IFT25: variants seen among roughly 807,000 people sequenced by gnomAD.
IFT25 encodes intraflagellar transport 25, also known as intraflagellar transport protein 25 homolog.
At chr1:53,913,940 A>T in the IFT25 span, among the ~76,000 whole-genome samples, 6 of 152,218 alleles carry the variant, frequency 3.9e-5, no homozygotes, top group African/African-American at 1.4e-4. Context: ...TCCAGCCTCC[A>T]GAGTGGTGAG....
At chr1:53,921,592 G>C in the IFT25 span, 1 of 957,092 alleles carries the variant, frequency 1.0e-6, no homozygotes, top group East Asian at 2.4e-5. Flanking sequence ...AAGTATATCA[G>C]TGACAACTTC....
At chr1:53,936,264 G>A in the IFT25 span, among the ~76,000 whole-genome samples, 1 of 152,080 alleles carries the variant, frequency 6.6e-6, no homozygotes, top group Non-Finnish European at 1.5e-5. Flanking sequence ...CTCCAGCCTA[G>A]GCAATAGAAC....
At chr1:53,917,682 C>T in the IFT25 span, among the ~76,000 whole-genome samples, 5 of 151,850 alleles carry the variant, frequency 3.3e-5, no homozygotes, top group Admixed American at 2.0e-4. Flanking sequence ...CAAAAATTGG[C>T]CAGGCGTGGT....
the IFT25 span, among the ~76,000 whole-genome samples, chr1:53,914,511 GAT>G: frequency 6.6e-6 from 1 of 151,852 alleles, no homozygotes; most frequent in Non-Finnish European, 1.5e-5. Context: ...ATTATAAAAT[GAT>G]GTTTGTATAT....
chr1:53,941,561 T>C, the IFT25 span, among the ~76,000 whole-genome samples: 1 of 152,228 alleles, frequency 6.6e-6, no homozygotes, highest in Non-Finnish European at 1.5e-5. Flanking sequence ...TCTACCAATC[T>C]TACCACAGTT....
the IFT25 span, among the ~76,000 whole-genome samples, chr1:53,942,129 T>TGACA: frequency 6.6e-6 from 1 of 152,162 alleles, no homozygotes; most frequent in Non-Finnish European, 1.5e-5. Context: ...ATATGCTAGG[T>TGACA]GACAGAATTA....
the IFT25 span, chr1:53,946,207 C>T: frequency 6.6e-6 from 1 of 152,228 alleles, no homozygotes; most frequent in East Asian, 2.0e-4. Flanking sequence ...GGGACCCACC[C>T]TCCCGCGAGC....
chr1:53,915,190 A>T, the IFT25 span, among the ~76,000 whole-genome samples: 1 of 152,226 alleles, frequency 6.6e-6, no homozygotes, highest in African/African-American at 2.4e-5. Flanking sequence ...TGTGCCAGGC[A>T]CTATTCTAAG....
At chr1:53,944,542 G>A in the IFT25 span, among the ~76,000 whole-genome samples, 1 of 152,240 alleles carries the variant, frequency 6.6e-6, no homozygotes, top group South Asian at 2.1e-4. Context: ...CTACTCCGGA[G>A]GCTGAGGCAG....
At chr1:53,930,072 T>A in the IFT25 span, 1 of 1,577,168 alleles carries the variant, frequency 6.3e-7, no homozygotes, top group Non-Finnish European at 8.6e-7. Context: ...CTTTCAATCC[T>A]TACATGTTTG....
At chr1:53,943,707 T>G in the IFT25 span, among the ~76,000 whole-genome samples, 3 of 151,988 alleles carry the variant, frequency 2.0e-5, no homozygotes, top group African/African-American at 7.3e-5. Context: ...AACTGCAACG[T>G]CTGCCTCCCG....
the IFT25 span, among the ~76,000 whole-genome samples, chr1:53,938,091 G>T: frequency 5.3e-5 from 8 of 152,288 alleles, no homozygotes; most frequent in East Asian, 1.5e-3. Flanking sequence ...TTTTGAGCAA[G>T]TCATCTGATC....
chr1:53,939,321 T>C, the IFT25 span, among the ~76,000 whole-genome samples: 3 of 150,310 alleles, frequency 2.0e-5, no homozygotes, highest in Non-Finnish European at 3.0e-5. Flanking sequence ...AACCTGGGAG[T>C]TGGAGGTTGC....
the IFT25 span, among the ~76,000 whole-genome samples, chr1:53,924,366 C>CA: frequency 2.0e-5 from 3 of 152,194 alleles, no homozygotes; most frequent in Non-Finnish European, 4.4e-5. Flanking sequence ...AGCTGAGTTT[C>CA]TCAGTGAAAC....
the IFT25 span, chr1:53,940,072 AT>A: frequency 6.3e-7 from 1 of 1,599,240 alleles, no homozygotes; most frequent in Non-Finnish European, 8.5e-7. Context: ...ACAGAGATCA[AT>A]TTTTCTCATC....
the IFT25 span, chr1:53,916,591 A>G: frequency 4.5e-6 from 1 of 222,026 alleles, no homozygotes; most frequent in Admixed American, 5.8e-5. Context: ...ATTTCATTTT[A>G]TTGAACATGA....
the IFT25 span, among the ~76,000 whole-genome samples, chr1:53,944,630 G>A: frequency 2.6e-5 from 4 of 152,166 alleles, no homozygotes; most frequent in East Asian, 5.8e-4. Context: ...GGCGACGAGC[G>A]ATTATGTCTC....
the IFT25 span, among the ~76,000 whole-genome samples, chr1:53,919,370 A>G: frequency 0.24 from 35,905 of 152,056 alleles, 6,743 homozygotes; most frequent in African/African-American, 0.53. Context: ...ATCATCTGAA[A>G]AAGCCTGGGT....
the IFT25 span, among the ~76,000 whole-genome samples, chr1:53,935,374 A>G: frequency 2.6e-5 from 4 of 152,228 alleles, no homozygotes; most frequent in Admixed American, 6.5e-5. Flanking sequence ...CTACAGAAAC[A>G]AAGTAGATTA....
Sources: gnomAD v4.1 joint callset for allele counts (sites outside exome capture counted in the v4.1 genomes callset) on GRCh38, gnomAD v4.1.1 for gene constraint, MANE v1.5 for transcripts, NCBI Gene and HGNC (gene_info 2026-07-23, HGNC 2026-07-21) for gene names.